NEK10: variants seen among roughly 807,000 people sequenced by gnomAD.
NEK10 encodes serine/threonine-protein kinase Nek10.
NEK10 carries 122 observed loss-of-function variants against 159.8 expected under a neutral mutation model. That is an observed-to-expected ratio of 0.76 (90% confidence interval 0.66 to 0.89). The LOEUF (loss-of-function observed/expected upper bound fraction) is 0.89. Among genes scored for constraint, NEK10 ranks in the 40% least tolerant of loss-of-function variants. The pLI is 0.00. For missense variants in NEK10, 1,342 were observed against 1,323.1 expected (o/e 1.01, Z -0.22); for synonymous variants, 466 against 457.1 (o/e 1.02, Z -0.25).
intron 19 of NEK10, 111 bp from the exon 20 acceptor site, chr3:27,287,854 T>C (rs2042728200): frequency 5.3e-6 from 6 of 1,141,436 alleles, no homozygotes; most frequent in Non-Finnish European, 7.0e-6. Context: ...ATTATATTTA[T>C]TTACAAAACT....
At chr3:27,204,682 G>T (rs1163135392) in intron 23 of NEK10, among the ~76,000 whole-genome samples, 2 of 123,336 alleles carry the variant, frequency 1.6e-5, no homozygotes, top group African/African-American at 5.7e-5. Flanking sequence ...GTGTATATGT[G>T]CCACATTTTC....
At chr3:27,265,579 T>C (rs2040819225) in intron 22 of NEK10, 1 of 152,192 alleles carries the variant, frequency 6.6e-6, no homozygotes, top group Non-Finnish European at 1.5e-5. Context: ...CATCTTCATT[T>C]AAAGAAATGG....
chr3:27,221,170 A>G (rs1161136221), intron 23 of NEK10, among the ~76,000 whole-genome samples: 1 of 152,248 alleles, frequency 6.6e-6, no homozygotes, highest in African/African-American at 2.4e-5. Context: ...GTTGGATTTC[A>G]TCAAAATTGA....
At chr3:27,321,719 TTTGACTCTAGAGG>T (rs2045653854) in intron 6 of NEK10, among the ~76,000 whole-genome samples, 1 of 151,998 alleles carries the variant, frequency 6.6e-6, no homozygotes, top group Admixed American at 6.6e-5. Flanking sequence ...CTAGCTCAAA[TTTGACTCTAGAGG>T]TTGGGAAGGG....
intron 6 of NEK10, among the ~76,000 whole-genome samples, chr3:27,317,960 G>C (rs1445022037): frequency 6.6e-6 from 1 of 151,954 alleles, no homozygotes; most frequent in African/African-American, 2.4e-5. Flanking sequence ...CCGCCACCAC[G>C]CCCGGCTAAT....
chr3:27,179,393 T>A (rs1947846453), intron 26 of NEK10, among the ~76,000 whole-genome samples: 1 of 152,232 alleles, frequency 6.6e-6, no homozygotes. Flanking sequence ...ATTAATGAGC[T>A]GTGATTAAAT....
intron 26 of NEK10, among the ~76,000 whole-genome samples, chr3:27,180,574 G>A (rs1424186126): frequency 6.6e-6 from 1 of 152,096 alleles, no homozygotes; most frequent in African/African-American, 2.4e-5. Flanking sequence ...TAAAGAGTAT[G>A]GAATTAGAAA....
intron 23 of NEK10, among the ~76,000 whole-genome samples, chr3:27,230,281 A>G (rs1316648264): frequency 6.6e-6 from 1 of 152,170 alleles, no homozygotes; most frequent in East Asian, 1.9e-4. Flanking sequence ...AGCTTCATAA[A>G]TAAAGGAGAG....
At chr3:27,243,830 G>GGT (rs56720203) in intron 23 of NEK10, among the ~76,000 whole-genome samples, 7,172 of 148,302 alleles carry the variant, frequency 0.048, 215 homozygotes, top group Admixed American at 0.076. Context: ...TGACACCATG[G>GGT]GTGTGTGTGT....
intron 30 of NEK10, among the ~76,000 whole-genome samples, chr3:27,153,501 T>C (rs995289045): frequency 1.3e-5 from 2 of 152,046 alleles, no homozygotes; most frequent in African/African-American, 4.8e-5. Flanking sequence ...CCGCAAAACA[T>C]ACATTCTATT....
intron 1 of NEK10, among the ~76,000 whole-genome samples, chr3:27,359,768 GTT>G (rs2048554247): frequency 6.6e-6 from 1 of 152,158 alleles, no homozygotes; most frequent in Non-Finnish European, 1.5e-5. Flanking sequence ...TGTTTTTGCA[GTT>G]TCTATGTTAC....
At chr3:27,227,164 T>C (rs191068986) in intron 23 of NEK10, among the ~76,000 whole-genome samples, 19 of 152,310 alleles carry the variant, frequency 1.2e-4, no homozygotes, top group Admixed American at 9.2e-4. Context: ...AGAATGCTAG[T>C]AAATTGGTAG....
intron 32 of NEK10, among the ~76,000 whole-genome samples, chr3:27,120,346 C>T (rs527668611): frequency 2.0e-5 from 3 of 148,362 alleles, no homozygotes; most frequent in Non-Finnish European, 3.0e-5. Context: ...TTTTCTGCAA[C>T]AGTGTCTCAC....
At chr3:27,261,822 G>T (rs1559382305) in intron 22 of NEK10, among the ~76,000 whole-genome samples, 1 of 152,098 alleles carries the variant, frequency 6.6e-6, no homozygotes, top group African/African-American at 2.4e-5. Context: ...TGACAGTGGG[G>T]TGTTAACGTC....
chr3:27,147,488 C>T (rs1487829297), intron 30 of NEK10, among the ~76,000 whole-genome samples: 1 of 152,244 alleles, frequency 6.6e-6, no homozygotes, highest in Non-Finnish European at 1.5e-5. Context: ...AAAGCATCAG[C>T]TCCTTTCACC....
chr3:27,299,668 T>TACCTCAC (rs2043645518), intron 13 of NEK10, among the ~76,000 whole-genome samples: 1 of 152,324 alleles, frequency 6.6e-6, no homozygotes, highest in East Asian at 1.9e-4. Flanking sequence ...AGGGAAGCTG[T>TACCTCAC]ACCTCACATA....
At chr3:27,223,436 ACATCCAAGGGATACTCTTC>A (rs1380405659) in intron 23 of NEK10, among the ~76,000 whole-genome samples, 4 of 152,160 alleles carry the variant, frequency 2.6e-5, no homozygotes, top group Admixed American at 2.0e-4. Context: ...GTCCATCTGC[ACATCCAAGGGATACTCTTC>A]CATCCTTTAC....
At chr3:27,365,238 GT>G (rs1164966039) in intron 1 of NEK10, among the ~76,000 whole-genome samples, 2 of 152,180 alleles carry the variant, frequency 1.3e-5, no homozygotes, top group Non-Finnish European at 2.9e-5. Flanking sequence ...CAAGGTCAGT[GT>G]TATGGCTGCT....
rs538429688 is a variant in NEK10 at position 27,358,690 on chromosome 3, C to A, written c.-37-5771G>T. ...TTGTGATATGGTTTTCAGATCTCTA[C>A]CCAGAAACCCGTTTTTATTCCATGG... is the stretch of plus-strand genomic sequence containing the variant. On this transcript the variant is annotated intron_variant, in intron 1 of 35. Transcript: ENST00000691995. Among the ~76,000 whole-genome samples the A allele has an allele frequency of 3.9e-5, 6 of 152,228 alleles. No individual in the cohort carries two copies. In the South Asian group the frequency reaches 1.2e-3, roughly 32 times the overall value.
Sources: allele counts gnomAD v4.1 joint callset (sites outside exome capture counted in the v4.1 genomes callset), GRCh38; gene constraint gnomAD v4.1.1; transcripts MANE v1.5; gene names NCBI Gene and HGNC (gene_info 2026-07-23, HGNC 2026-07-21).